The following FNDC3B variants were observed in gnomAD, a reference collection of about 807,000 sequenced individuals.
FNDC3B encodes the protein fibronectin type III domain-containing protein 3B.
Under a neutral mutation model 151.5 loss-of-function variants are expected in FNDC3B, and 12 were observed. That is an observed-to-expected ratio of 0.08 (90% confidence interval 0.05 to 0.13). The LOEUF (loss-of-function observed/expected upper bound fraction) is 0.13. Among genes scored for constraint, FNDC3B ranks in the 10% least tolerant of loss-of-function variants. The probability of loss-of-function intolerance (pLI) is 1.00; values close to 1 mark genes in which losing one functional copy is unlikely to be tolerated. For missense variants in FNDC3B, 1,214 were observed against 1,505.3 expected, an observed-to-expected ratio of 0.81 and a Z score of 3.20; for synonymous variants, 528 against 549.0, an observed-to-expected ratio of 0.96 and a Z score of 0.54.
At chr3:172,052,932 GTTTT>G (rs901409573) in intron 1 of FNDC3B, among the ~76,000 whole-genome samples, 1 of 152,220 alleles carries the variant, frequency 6.6e-6, no homozygotes, top group African/African-American at 2.4e-5. Context: ...GCTATTGGCA[GTTTT>G]ATTTAGAAAT....
At chr3:172,359,006 TGGTGGTGGTGGTGATGGTGGC>T (rs1734236773) in intron 22 of FNDC3B, among the ~76,000 whole-genome samples, 2 of 130,002 alleles carry the variant, frequency 1.5e-5, no homozygotes, top group Admixed American at 1.5e-4. Flanking sequence ...GTGGTGGTGG[TGGTGGTGGTGGTGATGGTGGC>T]GGTGGTGTGT....
At chr3:172,050,765 T>A (rs114932144) in intron 1 of FNDC3B, among the ~76,000 whole-genome samples, 16 of 151,726 alleles carry the variant, frequency 1.1e-4, no homozygotes, top group Middle Eastern at 6.8e-3. Flanking sequence ...ATATACTCTT[T>A]ATATAGTGTG....
intron 4 of FNDC3B, 127 bp downstream of exon 4, chr3:172,227,074 A>G (rs1057260198): frequency 9.2e-6 from 6 of 649,236 alleles, no homozygotes; most frequent in Non-Finnish European, 1.4e-5. Context: ...GTTTGCCATC[A>G]TTTTGTGGCA....
intron 11 of FNDC3B, among the ~76,000 whole-genome samples, chr3:172,318,024 AT>A (rs1403746842): frequency 1.3e-5 from 2 of 152,220 alleles, no homozygotes; most frequent in African/African-American, 4.8e-5. Flanking sequence ...GATACACAGA[AT>A]AACCAGAAAA....
At chr3:172,285,282 C>G (rs915952527) in intron 6 of FNDC3B, among the ~76,000 whole-genome samples, 2 of 152,176 alleles carry the variant, frequency 1.3e-5, no homozygotes, top group Admixed American at 1.3e-4. Context: ...CAGGCCAGCT[C>G]TAGCCTTTCC....
chr3:172,069,540 G>T (rs1326032513), intron 1 of FNDC3B, among the ~76,000 whole-genome samples: 1 of 152,146 alleles, frequency 6.6e-6, no homozygotes, highest in Non-Finnish European at 1.5e-5. Context: ...ATAGGTGAAT[G>T]AGTGGGTTTT....
At chr3:172,325,302 C>T (rs1419913185) in intron 11 of FNDC3B, among the ~76,000 whole-genome samples, 1 of 152,148 alleles carries the variant, frequency 6.6e-6, no homozygotes, top group African/African-American at 2.4e-5. Context: ...AAGGCGGGAA[C>T]GTGCCATAGA....
intron 25 of FNDC3B, among the ~76,000 whole-genome samples, chr3:172,384,610 C>G (rs896651207): frequency 6.6e-6 from 1 of 152,186 alleles, no homozygotes; most frequent in Non-Finnish European, 1.5e-5. Context: ...ACGTGCCGTG[C>G]TTTTCCACCT....
At chr3:172,093,491 C>A (rs1718947576) in intron 1 of FNDC3B, among the ~76,000 whole-genome samples, 1 of 152,108 alleles carries the variant, frequency 6.6e-6, no homozygotes, top group Non-Finnish European at 1.5e-5. Flanking sequence ...ATCTCCTGAC[C>A]TCGTGATCCG....
At chr3:172,074,068 C>A (rs1230703874) in intron 1 of FNDC3B, among the ~76,000 whole-genome samples, 1 of 152,158 alleles carries the variant, frequency 6.6e-6, no homozygotes, top group Non-Finnish European at 1.5e-5. Context: ...CTGAGTAAGA[C>A]CTTGCAAAAC....
chr3:172,115,823 T>A (rs1259785769), intron 2 of FNDC3B, among the ~76,000 whole-genome samples: 19 of 152,178 alleles, frequency 1.2e-4, no homozygotes, highest in Admixed American at 1.1e-3. Context: ...AAGCTTACCT[T>A]GTATGTATTT....
intron 3 of FNDC3B, among the ~76,000 whole-genome samples, chr3:172,137,159 T>C (rs1721414575): frequency 6.6e-6 from 1 of 152,114 alleles, no homozygotes; most frequent in South Asian, 2.1e-4. Context: ...TTTGTGGGGA[T>C]TTCAGGTAGG....
chr3:172,073,579 T>G (rs1717879261), intron 1 of FNDC3B, among the ~76,000 whole-genome samples: 1 of 152,220 alleles, frequency 6.6e-6, no homozygotes, highest in African/African-American at 2.4e-5. Context: ...AAGACAATTA[T>G]GGTTTATTTG....
intron 25 of FNDC3B, among the ~76,000 whole-genome samples, chr3:172,394,106 T>TTAAAAAA (rs1736153949): frequency 1.8e-4 from 3 of 16,644 alleles, no homozygotes; most frequent in Non-Finnish European, 3.4e-4. Flanking sequence ...AGACTCCTTC[T>TTAAAAAA]AAAAAAAAAA....
Position 172,280,933 on chromosome 3 carries a change from A to G in FNDC3B, c.791-4993A>G, listed in dbSNP as rs900354635. ...AAAAAACTATTTGCTTTGCTTGTGT[A>G]TTTTTATTTCAACCTTCCTTTTACT... On this transcript the variant is annotated intron_variant, in intron 6 of 25. Transcript: ENST00000415807. 5.3e-5 allele frequency among the ~76,000 whole-genome samples: 8 copies of G among 151,270 alleles called. No homozygotes were observed. In the South Asian group the frequency reaches 1.0e-3, roughly 20 times the overall value.
At chr3:172,179,277 G>A (rs552494676) in intron 3 of FNDC3B, among the ~76,000 whole-genome samples, 3 of 152,208 alleles carry the variant, frequency 2.0e-5, no homozygotes, top group African/African-American at 7.2e-5. Flanking sequence ...GGCCAGGCTG[G>A]TCTCGAACTC....
chr3:172,371,676 C>T (rs796701321), intron 23 of FNDC3B, among the ~76,000 whole-genome samples: 1 of 152,144 alleles, frequency 6.6e-6, no homozygotes, highest in Non-Finnish European at 1.5e-5. Flanking sequence ...TAAAAATGCC[C>T]GACGCTATGG....
At chr3:172,317,837 T>C (rs1196834088) in intron 11 of FNDC3B, among the ~76,000 whole-genome samples, 1 of 152,174 alleles carries the variant, frequency 6.6e-6, no homozygotes, top group Non-Finnish European at 1.5e-5. Flanking sequence ...TTGAACTAAA[T>C]AAAAACTGAT....
intron 3 of FNDC3B, among the ~76,000 whole-genome samples, chr3:172,207,156 A>G (rs1725476275): frequency 6.6e-6 from 1 of 152,174 alleles, no homozygotes; most frequent in Admixed American, 6.5e-5. Flanking sequence ...TCTGCTAGTC[A>G]GTAATTTTCA....
Sources: gnomAD v4.1 joint callset for allele counts (sites outside exome capture counted in the v4.1 genomes callset) on GRCh38, gnomAD v4.1.1 for gene constraint, MANE v1.5 for transcripts, NCBI Gene and HGNC (gene_info 2026-07-23, HGNC 2026-07-21) for gene names.